The following MYO1E variants were observed in gnomAD, a reference collection of about 807,000 sequenced individuals.
The protein encoded by MYO1E is unconventional myosin-Ie.
Under a neutral mutation model 151.1 loss-of-function variants are expected in MYO1E, and 68 were observed. The ratio of observed to expected loss-of-function variants is 0.45; its 90% CI spans 0.37 to 0.55. The LOEUF is 0.55. Among genes scored for constraint, MYO1E ranks in the 20% least tolerant of loss-of-function variants. The pLI, the probability that MYO1E is intolerant of heterozygous loss-of-function variation, is 0.00. For missense variants in MYO1E, 1,363 were observed against 1,389.3 expected, an observed-to-expected ratio of 0.98 and a Z score of 0.30; for synonymous variants, 601 against 501.7, an observed-to-expected ratio of 1.20 and a Z score of -2.64.
intron 1 of MYO1E, among the ~76,000 whole-genome samples, chr15:59,283,602 T>C (rs540013488): frequency 2.0e-5 from 3 of 152,338 alleles, no homozygotes; most frequent in Admixed American, 1.3e-4. Context: ...AAATACATTA[T>C]TATTATTCTC....
At chr15:59,196,719 C>A (rs756879721) in intron 16 of MYO1E, among the ~76,000 whole-genome samples, 1 of 152,012 alleles carries the variant, frequency 6.6e-6, no homozygotes, top group Non-Finnish European at 1.5e-5. Context: ...GCATTCTTTG[C>A]GATGCTTGAA....
At chr15:59,326,640 C>T (rs925394792) in intron 1 of MYO1E, among the ~76,000 whole-genome samples, 1 of 152,162 alleles carries the variant, frequency 6.6e-6, no homozygotes, top group African/African-American at 2.4e-5. Flanking sequence ...TTATTTTGAG[C>T]CTAAATGTCT....
At chr15:59,197,293 T>C (rs958688464) in intron 16 of MYO1E, among the ~76,000 whole-genome samples, 69 of 152,308 alleles carry the variant, frequency 4.5e-4, no homozygotes, top group African/African-American at 1.6e-3. Context: ...GTGCCCAGCC[T>C]ACAACTTTTA....
In MYO1E at chr15:59,350,997, C is replaced by T. The variant is rs905441408; in HGVS notation, c.3+21501G>A. ...ATGCAAGCTCCGCCTCCCAGGTTCA[C>T]GCCATTCTCCAGCCTCAGCCTCCAG... On this transcript the variant is annotated intron_variant, in intron 1 of 27. Coordinates refer to ENST00000288235, the MANE Select transcript of MYO1E (RefSeq NM_004998.4). The surrounding 1 kb of genome is among the most constrained non-coding windows in gnomAD (Gnocchi z 5.0). Among the ~76,000 whole-genome samples the T allele has an allele frequency of 3.3e-5, 5 of 152,162 alleles. No homozygotes were observed. Among genetic ancestry groups the T allele is most frequent in the African/African-American group, 1.2e-4 (5 of 41,440 alleles).
Position 59,372,554 on chromosome 15 carries a change from G to T in MYO1E, c.-54C>A. The stretch of plus-strand genomic sequence containing the variant: ...CCGGGTCCCGCTGCCGGGGAACTGG[G>T]GCTGGAACGCAGTCTTCTGGGCGAA... On this transcript the variant is annotated 5_prime_UTR_variant, in exon 1 of 28. Transcript: ENST00000288235. 1.3e-6 allele frequency: 2 copies of T among 1,534,038 alleles called. No individual in the cohort carries two copies. Among genetic ancestry groups the T allele is most frequent in the Middle Eastern group, 1.9e-4 (1 of 5,278 alleles).
At chr15:59,195,417 G>C (rs776798540) in intron 17 of MYO1E, 44 bp downstream of exon 17, 3 of 1,521,808 alleles carry the variant, frequency 2.0e-6, no homozygotes, top group Non-Finnish European at 1.8e-6. Context: ...CTTGAGCAGA[G>C]GGAAAAAGGT....
chr15:59,261,927 C>G (rs1272512029), intron 2 of MYO1E, among the ~76,000 whole-genome samples: 1 of 152,100 alleles, frequency 6.6e-6, no homozygotes, highest in South Asian at 2.1e-4. Context: ...ATCAGCCGGG[C>G]GTGATGGCTC....
At chr15:59,147,764 G>T (rs1433984806) in intron 26 of MYO1E, among the ~76,000 whole-genome samples, 1 of 152,036 alleles carries the variant, frequency 6.6e-6, no homozygotes. Flanking sequence ...CTGATGCTCT[G>T]TGCCCACGGA....
chr15:59,133,328 C>T lies in MYO1E; in HGVS notation c.*4052G>A, dbSNP rs555967326. ...TTGAGACTGCAGTAAGGCATGATCG[C>T]ACCACTGTTCTCTAGTCTGGGTGAC... On this transcript the variant is annotated 3_prime_UTR_variant, in exon 28 of 28. Coordinates refer to ENST00000288235, the MANE Select transcript of MYO1E (RefSeq NM_004998.4). 63 of 152,254 alleles carry T rather than the reference C, an allele frequency of 4.1e-4. No homozygotes were observed. The highest frequency in any genetic ancestry group is 1.5e-3 in the African/African-American group (63 of 41,534). 9.4% of individuals were successfully genotyped at this position (152,254 alleles called of 1,614,324 possible). A position where few individuals can be genotyped will look rare whatever the true frequency, so the allele number is the denominator to read the frequency against.
At chr15:59,353,370 AAAAGAAAAG>A (rs2080835150) in intron 1 of MYO1E, among the ~76,000 whole-genome samples, 4 of 29,586 alleles carry the variant, frequency 1.4e-4, no homozygotes, top group African/African-American at 2.6e-4. Flanking sequence ...AAAAAAAAAA[AAAAGAAAAG>A]AAAAGAAAAG....
intron 26 of MYO1E, among the ~76,000 whole-genome samples, chr15:59,142,140 A>C (rs1206197414): frequency 6.6e-6 from 1 of 152,036 alleles, no homozygotes; most frequent in Non-Finnish European, 1.5e-5. Context: ...AAGTCTGTAC[A>C]TGTTCACTAC....
At chr15:59,185,785 G>A (rs764574200) in intron 18 of MYO1E, among the ~76,000 whole-genome samples, 30 of 152,158 alleles carry the variant, frequency 2.0e-4, no homozygotes, top group Non-Finnish European at 4.1e-4. Flanking sequence ...CCCTGTAGGG[G>A]GAACATTAGT....
At chr15:59,162,138 G>A (rs1215048176) in intron 23 of MYO1E, among the ~76,000 whole-genome samples, 1 of 152,090 alleles carries the variant, frequency 6.6e-6, no homozygotes, top group East Asian at 1.9e-4. Context: ...CTGGGCTCAA[G>A]TATCCTCCCA....
intron 1 of MYO1E, among the ~76,000 whole-genome samples, chr15:59,316,021 G>C (rs536633934): frequency 6.6e-6 from 1 of 152,180 alleles, no homozygotes; most frequent in Non-Finnish European, 1.5e-5. Context: ...AAGTACCAGA[G>C]TGGTTTGGCT....
chr15:59,269,298 G>A (rs2080275713), intron 2 of MYO1E, among the ~76,000 whole-genome samples: 1 of 152,082 alleles, frequency 6.6e-6, no homozygotes, highest in African/African-American at 2.4e-5. Flanking sequence ...TACAGGTACG[G>A]AAAGCAAGGC....
chr15:59,341,919 G>A (rs1259144808), intron 1 of MYO1E, among the ~76,000 whole-genome samples: 1 of 152,196 alleles, frequency 6.6e-6, no homozygotes, highest in Non-Finnish European at 1.5e-5. Flanking sequence ...AGCTAGCTCT[G>A]TTTTTAGTTT....
chr15:59,302,130 A>C (rs1304475701), intron 1 of MYO1E, among the ~76,000 whole-genome samples: 1 of 152,122 alleles, frequency 6.6e-6, no homozygotes, highest in Non-Finnish European at 1.5e-5. Flanking sequence ...TGAGCATCAG[A>C]TGTGGGGAGA....
At position 59,137,301 on chromosome 15, in the gene MYO1E, T is replaced by C. The variant is rs913555698; in HGVS notation, c.*79A>G. The C allele has an allele frequency of 2.1e-5, 27 of 1,272,108 alleles. No individual in the cohort carries two copies. Among genetic ancestry groups the C allele is most frequent in the Admixed American group, 3.4e-5 (2 of 58,862 alleles). 78.8% of individuals were successfully genotyped at this position (1,272,108 alleles called of 1,614,324 possible). On this transcript the variant is annotated 3_prime_UTR_variant, in exon 28 of 28. Transcript: ENST00000288235. ...AGAAGCAATTGCTCATTGTGGATTG[T>C]AAGGGGAGCCCCTAAATATCCCCTC... is the stretch of plus-strand genomic sequence containing the variant.
intron 26 of MYO1E, among the ~76,000 whole-genome samples, chr15:59,150,561 C>T (rs1331322962): frequency 6.6e-6 from 1 of 152,186 alleles, no homozygotes; most frequent in Non-Finnish European, 1.5e-5. Context: ...GCTTTTAATA[C>T]CCTGCCTACT....
Sources: gnomAD v4.1 joint callset for allele counts (sites outside exome capture counted in the v4.1 genomes callset) on GRCh38, gnomAD v4.1.1 for gene constraint, Gnocchi (gnomAD v3.1) non-coding constraint, MANE v1.5 for transcripts, NCBI Gene and HGNC (gene_info 2026-07-23, HGNC 2026-07-21) for gene names.